ANKS6: variants seen among roughly 807,000 people sequenced by gnomAD.
ANKS6 encodes ankyrin repeat and SAM domain-containing protein 6.
In ANKS6, 47 loss-of-function variants were observed where a neutral mutation model predicts 77.9. The observed-to-expected ratio is 0.60, with a 90% CI of 0.48 to 0.77. The LOEUF (loss-of-function observed/expected upper bound fraction) is 0.77. Among genes scored for constraint, ANKS6 ranks in the 30% least tolerant of loss-of-function variants. ANKS6 has a pLI of 0.00. For missense variants in ANKS6, 1,150 were observed against 1,159.1 expected (o/e 0.99, Z 0.11); for synonymous variants, 488 against 501.7 (o/e 0.97, Z 0.37).
At position 98,791,547 on chromosome 9, in the gene ANKS6, GTC is replaced by G. The variant is rs1036842578; in HGVS notation, c.360-943_360-942del. ...GGGCAGAAAAGTTCTGTTTTGTGGT[GTC>G]TCTGGTGGGCTCGGAGCTGTGTATC... On this transcript the variant is annotated intron_variant, in intron 1 of 14. Transcript: ENST00000353234. The surrounding 1 kb of genome is among the most constrained non-coding windows in gnomAD (Gnocchi z 4.3). 1.9e-4 allele frequency among the ~76,000 whole-genome samples: 29 copies of G among 152,282 alleles called. No individual in the cohort carries two copies. Among genetic ancestry groups the G allele is most frequent in the African/African-American group, 6.5e-4 (27 of 41,560 alleles).
chr9:98,747,974 C>T lies in ANKS6; in HGVS notation c.2395-2299G>A, dbSNP rs182264513. The stretch of plus-strand genomic sequence containing the variant: ...AGGCTCTCTCAATGAGTCCTGCTCC[C>T]TCTTCCCAGATGCCCTTCCAGGTCC... On this transcript the variant is annotated intron_variant, in intron 13 of 14. Coordinates refer to ENST00000353234, the MANE Select transcript of ANKS6 (RefSeq NM_173551.5). Among the ~76,000 whole-genome samples the T allele has an allele frequency of 1.4e-4, 21 of 152,354 alleles. No homozygotes were observed. In the East Asian group the frequency reaches 3.9e-3, roughly 28 times the overall value.
At chr9:98,768,630 G>A (rs1372401004) in intron 10 of ANKS6, among the ~76,000 whole-genome samples, 1 of 152,214 alleles carries the variant, frequency 6.6e-6, no homozygotes, top group Non-Finnish European at 1.5e-5. Context: ...AGACCGTCTT[G>A]TCTGGCTGCA....
In ANKS6 at chr9:98,755,879, G is replaced by A. The variant is rs373333537; in HGVS notation, c.2326+541C>T. The stretch of plus-strand genomic sequence containing the variant: ...TGGACCTACTGAGAAAGTAGCACTC[G>A]TTCTGCTGGAGTTGAAAAATTGGTG... On this transcript the variant is annotated intron_variant, in intron 12 of 14. Transcript: ENST00000353234. Among the ~76,000 whole-genome samples, 16 of 152,270 alleles carry A rather than the reference G, an allele frequency of 1.1e-4. No individual in the cohort carries two copies. In the South Asian group the frequency reaches 1.9e-3, roughly 18 times the overall value.
chr9:98,772,853 G>A (rs376969490), intron 9 of ANKS6, among the ~76,000 whole-genome samples: 4 of 152,112 alleles, frequency 2.6e-5, no homozygotes, highest in Non-Finnish European at 5.9e-5. Context: ...CCTCTCTGGC[G>A]CTCCCACACT....
chr9:98,793,667 C>T (rs1039557122), intron 1 of ANKS6, among the ~76,000 whole-genome samples: 19 of 151,684 alleles, frequency 1.3e-4, no homozygotes, highest in African/African-American at 2.4e-4. Flanking sequence ...ACTACAGGTG[C>T]GTGCCACCAT....
chr9:98,779,233 A>G (rs1210945710), intron 6 of ANKS6, among the ~76,000 whole-genome samples: 2 of 152,226 alleles, frequency 1.3e-5, no homozygotes, highest in African/African-American at 4.8e-5. Flanking sequence ...CAAGTAGAGC[A>G]GGATGTGGAA....
rs572329689 is a variant in ANKS6 at position 98,791,087 on chromosome 9, C to G, written c.360-481G>C. ...GGGTGGCATCAGGGTCAGGACAGGT[C>G]TGTGTGAATGCCGCTGCCCTTGCTT... On this transcript the variant is annotated intron_variant, in intron 1 of 14. Coordinates refer to ENST00000353234, the MANE Select transcript of ANKS6 (RefSeq NM_173551.5). The surrounding 1 kb of genome is among the most constrained non-coding windows in gnomAD (Gnocchi z 4.3). Among the ~76,000 whole-genome samples, 26 of 152,334 alleles carry G rather than the reference C, an allele frequency of 1.7e-4. No homozygotes were observed. Among genetic ancestry groups the G allele is most frequent in the Admixed American group, 1.4e-3 (22 of 15,304 alleles).
chr9:98,765,630 T>C (rs929757739), intron 11 of ANKS6, among the ~76,000 whole-genome samples: 2 of 152,120 alleles, frequency 1.3e-5, no homozygotes, highest in African/African-American at 4.8e-5. Flanking sequence ...AGTAATGTTT[T>C]TGTTTGAAAT....
intron 1 of ANKS6, among the ~76,000 whole-genome samples, chr9:98,795,152 C>T (rs1041629246): frequency 2.6e-5 from 4 of 152,152 alleles, no homozygotes; most frequent in African/African-American, 7.2e-5. Flanking sequence ...GATCTACTCC[C>T]TGAATATATC....
At chr9:98,748,594 A>C (rs1832267886) in intron 13 of ANKS6, among the ~76,000 whole-genome samples, 1 of 152,176 alleles carries the variant, frequency 6.6e-6, no homozygotes, top group Non-Finnish European at 1.5e-5. Flanking sequence ...GTCTCCTTCC[A>C]TCCTGCTGTC....
At chr9:98,762,026 C>G (rs1255596106) in intron 11 of ANKS6, among the ~76,000 whole-genome samples, 1 of 152,138 alleles carries the variant, frequency 6.6e-6, no homozygotes, top group Non-Finnish European at 1.5e-5. Context: ...AGCCTTCCAT[C>G]TCTTCATTTA....
intron 12 of ANKS6, among the ~76,000 whole-genome samples, chr9:98,755,368 C>G (rs1832642900): frequency 6.6e-6 from 1 of 152,228 alleles, no homozygotes; most frequent in Non-Finnish European, 1.5e-5. Flanking sequence ...CTTCCTCCCT[C>G]TTTCCCCCAT....
chr9:98,780,287 C>T lies in ANKS6; in HGVS notation c.1270G>A (p.Asp424Asn), dbSNP rs761254149. 1 of 1,610,436 alleles carries T rather than the reference C, an allele frequency of 6.2e-7. No homozygotes were observed. ...LASVCMQVNKDKGRPSHQPPL... is the reference protein window; with the variant it reads ...LASVCMQVNKNKGRPSHQPPL... ...GGCTGGTGGCTCGGCCGGCCTTTGT[C>T]TTTATTCACCTGCATGCAGACAGAT... The change falls in exon 6 of 15, where the codon GAC becomes AAC. Residue 424 changes from aspartate to asparagine, a missense_variant. Physicochemically the swap from Asp to Asn is conservative, Grantham distance 23. Coordinates refer to ENST00000353234, the MANE Select transcript of ANKS6 (RefSeq NM_173551.5).
rs923248872 is a variant in ANKS6 at position 98,733,206 on chromosome 9, G to A, written c.*3313C>T. On this transcript the variant is annotated 3_prime_UTR_variant, in exon 15 of 15. Coordinates refer to ENST00000353234, the MANE Select transcript of ANKS6 (RefSeq NM_173551.5). Reference sequence around the variant, plus strand: ...CTCAGTAAACGTTCGGTAAACAAAAGAATTAAAAAATAAACAATCTCCTCA... The same window carrying A: ...CTCAGTAAACGTTCGGTAAACAAAAAAATTAAAAAATAAACAATCTCCTCA... The A allele has an allele frequency of 1.7e-5, 17 of 985,214 alleles. No individual in the cohort carries two copies. The African/African-American group carries it at 2.4e-4, about 14-fold the overall frequency. 61.0% of individuals were successfully genotyped at this position (985,214 alleles called of 1,614,324 possible).
intron 12 of ANKS6, among the ~76,000 whole-genome samples, chr9:98,754,615 A>C (rs1832600772): frequency 6.6e-6 from 1 of 151,454 alleles, no homozygotes; most frequent in Non-Finnish European, 1.5e-5. Flanking sequence ...GCACTCCAGC[A>C]TGGGTGACAG....
At chr9:98,795,187 T>G (rs921645108) in intron 1 of ANKS6, among the ~76,000 whole-genome samples, 2 of 152,166 alleles carry the variant, frequency 1.3e-5, no homozygotes. Context: ...GTGCCCTCCC[T>G]CCGCTGTCTC....
intron 11 of ANKS6, among the ~76,000 whole-genome samples, chr9:98,761,569 A>AT (rs1365322130): frequency 6.6e-6 from 1 of 152,090 alleles, no homozygotes; most frequent in African/African-American, 2.4e-5. Flanking sequence ...AAATTTGCCA[A>AT]TTTTTTCTTT....
chr9:98,763,519 T>C lies in ANKS6; in HGVS notation c.2142+4562A>G, dbSNP rs546426961. 3.0e-4 allele frequency among the ~76,000 whole-genome samples: 46 copies of C among 152,140 alleles called. 2 individuals carry two copies. In the South Asian group the frequency reaches 9.3e-3, roughly 31 times the overall value. The stretch of plus-strand genomic sequence containing the variant: ...AGGTAAATTTATAGCATTAAATATC[T>C]GTATTAGAAAAAAAGAAAGATCTCT... On this transcript the variant is annotated intron_variant, in intron 11 of 14. Coordinates refer to ENST00000353234, the MANE Select transcript of ANKS6 (RefSeq NM_173551.5).
Position 98,770,882 on chromosome 9 carries a change from G to A in ANKS6, c.1972+14C>T. On this transcript the variant is annotated intron_variant, in intron 10 of 14. Transcript: ENST00000353234. The stretch of plus-strand genomic sequence containing the variant: ...TCACCCCACCTCCCTGAGTGGCCCT[G>A]CCCAGCTACTCACCTGAGCGGTTAA... 6.9e-7 allele frequency: 1 copy of A among 1,441,310 alleles called. No homozygotes were observed. The highest frequency in any genetic ancestry group is 9.2e-7 in the Non-Finnish European group (1 of 1,087,944). 89.3% of individuals were successfully genotyped at this position (1,441,310 alleles called of 1,614,324 possible).
Sources: allele counts gnomAD v4.1 joint callset (sites outside exome capture counted in the v4.1 genomes callset), GRCh38; gene constraint gnomAD v4.1.1; non-coding constraint Gnocchi (gnomAD v3.1); transcripts MANE v1.5; gene names NCBI Gene and HGNC (gene_info 2026-07-23, HGNC 2026-07-21).